Variants in AXIN2 observed in about 807,000 individuals in gnomAD.
AXIN2 encodes the protein axin-2.
Under a neutral mutation model 74.7 loss-of-function variants are expected in AXIN2, and 21 were observed. The ratio of observed to expected loss-of-function variants is 0.28; its 90% CI spans 0.20 to 0.40. AXIN2 has a LOEUF of 0.40. Among genes scored for constraint, AXIN2 ranks in the 10% least tolerant of loss-of-function variants. The pLI is 1.00. For synonymous variants in AXIN2, 532 were observed against 454.9 expected (o/e 1.17, Z -2.16); for missense variants, 1,144 against 1,111.1 (o/e 1.03, Z -0.42).
chr17:65,548,231 C>T (rs1017453146), intron 3 of AXIN2, among the ~76,000 whole-genome samples: 2 of 152,154 alleles, frequency 1.3e-5, no homozygotes, highest in Non-Finnish European at 2.9e-5. Context: ...TTGAGGATAT[C>T]TCTCCCTGTA....
At chr17:65,553,352 C>T (rs1040007074) in intron 2 of AXIN2, among the ~76,000 whole-genome samples, 6 of 152,166 alleles carry the variant, frequency 3.9e-5, no homozygotes, top group African/African-American at 9.7e-5. Flanking sequence ...AAAGCCAAAA[C>T]AGCCTTAAAT....
rs2043775597 is a variant in AXIN2 at position 65,529,163 on chromosome 17, G to T, written c.*813C>A. 1 of 234,174 alleles carries T rather than the reference G, an allele frequency of 4.3e-6. No individual in the cohort carries two copies. The highest frequency in any genetic ancestry group is 5.6e-5 in the Admixed American group (1 of 17,830). The allele number at this position is 234,174 out of a possible 1,614,324, so 14.5% of individuals were successfully genotyped here. ...ATTCTAGCAGGCCTCAGGGCCCTGGGCCTGGGGAGGCTACATGAGGGGGAG... is the reference window on the plus strand; with the variant it reads ...ATTCTAGCAGGCCTCAGGGCCCTGGTCCTGGGGAGGCTACATGAGGGGGAG... On this transcript the variant is annotated 3_prime_UTR_variant, in exon 11 of 11. Transcript: ENST00000307078.
intron 7 of AXIN2, 139 bp from the exon 8 acceptor site, chr17:65,536,692 G>T (rs959512418): frequency 2.2e-6 from 3 of 1,368,216 alleles, no homozygotes; most frequent in Non-Finnish European, 3.1e-6. Flanking sequence ...ATGAACAGGG[G>T]TCAGTGCCAA....
intron 4 of AXIN2, among the ~76,000 whole-genome samples, chr17:65,539,579 G>C (rs577209532): frequency 3.0e-4 from 45 of 152,226 alleles, no homozygotes; most frequent in Non-Finnish European, 6.3e-4. Flanking sequence ...TATCTGTAGA[G>C]GGAGGGGATG....
intron 7 of AXIN2, 107 bp downstream of exon 7, chr17:65,536,762 A>C: frequency 3.3e-6 from 5 of 1,518,038 alleles, no homozygotes; most frequent in Non-Finnish European, 4.6e-6. Context: ...GCAGGAGCAA[A>C]TAGTCACATT....
chr17:65,538,613 G>A (rs1253171686), intron 4 of AXIN2, among the ~76,000 whole-genome samples: 2 of 119,438 alleles, frequency 1.7e-5, no homozygotes, highest in Non-Finnish European at 3.2e-5. Flanking sequence ...AGTACAACCA[G>A]CCCATCAGTA....
At chr17:65,548,370 A>G (rs747964579) in intron 3 of AXIN2, among the ~76,000 whole-genome samples, 16 of 152,250 alleles carry the variant, frequency 1.1e-4, no homozygotes, top group Non-Finnish European at 1.8e-4. Context: ...GACATTGGCC[A>G]GTAAAAACCA....
At chr17:65,553,924 T>C (rs568792740) in intron 2 of AXIN2, among the ~76,000 whole-genome samples, 253 of 151,992 alleles carry the variant, frequency 1.7e-3, no homozygotes, top group Middle Eastern at 3.4e-3. Flanking sequence ...ACTGTTGTGC[T>C]TCCAGTTGCT....
chr17:65,538,071 C>G, intron 5 of AXIN2, 132 bp downstream of exon 5: 2 of 1,512,030 alleles, frequency 1.3e-6, no homozygotes, highest in East Asian at 4.8e-5. Flanking sequence ...CACACACCCA[C>G]ACGCAGCCCA....
chr17:65,540,616 C>T (rs942747573), intron 4 of AXIN2, among the ~76,000 whole-genome samples: 4 of 152,142 alleles, frequency 2.6e-5, no homozygotes, highest in African/African-American at 9.7e-5. Flanking sequence ...GGTGGAAGTG[C>T]ACCTAGTGGG....
intron 10 of AXIN2, among the ~76,000 whole-genome samples, chr17:65,532,047 T>A (rs1354708243): frequency 2.0e-5 from 3 of 151,980 alleles, no homozygotes; most frequent in Non-Finnish European, 4.4e-5. Context: ...GGACACTGAG[T>A]CTAGCTCAGG....
chr17:65,537,476 G>T lies in AXIN2; in HGVS notation c.1560C>A (p.His520Gln), dbSNP rs1598098799. ...TTKHVHHHYI[H>Q]HHAVPKTKEE... ...CCTTGGTCTTGGGGACGGCATGGTGGTGGATGTAGTGGTGGTGGACATGCT... is the reference window on the plus strand; with the variant it reads ...CCTTGGTCTTGGGGACGGCATGGTGTTGGATGTAGTGGTGGTGGACATGCT... Residue 520 changes from histidine (H) to glutamine (Q), a missense_variant, in exon 6 of 11, where the codon CAC (histidine) becomes CAA (glutamine). Coordinates refer to ENST00000307078, the MANE Select transcript of AXIN2 (RefSeq NM_004655.4). The T allele has an allele frequency of 6.2e-7, 1 of 1,613,958 alleles. No homozygotes were observed. The highest frequency in any genetic ancestry group is 8.5e-7 in the Non-Finnish European group (1 of 1,179,996).
intron 10 of AXIN2, among the ~76,000 whole-genome samples, chr17:65,531,444 C>G (rs2043815878): frequency 6.6e-6 from 1 of 151,284 alleles, no homozygotes; most frequent in Non-Finnish European, 1.5e-5. Context: ...TGAGAGGAGA[C>G]AGTGAGAAAA....
chr17:65,554,813 G>A (rs1405977671), intron 2 of AXIN2, among the ~76,000 whole-genome samples: 1 of 152,174 alleles, frequency 6.6e-6, no homozygotes, highest in Non-Finnish European at 1.5e-5. Flanking sequence ...GAGGACACAG[G>A]GAGGGCTCTG....
intron 4 of AXIN2, among the ~76,000 whole-genome samples, chr17:65,540,408 A>G (rs2044024021): frequency 6.6e-6 from 1 of 152,246 alleles, no homozygotes; most frequent in Admixed American, 6.5e-5. Flanking sequence ...AAATACAGTG[A>G]GCTCACCAAG....
chr17:65,560,944 G>C (rs1286448465), intron 1 of AXIN2: 1 of 147,906 alleles, frequency 6.8e-6, no homozygotes, highest in Non-Finnish European at 1.5e-5. Context: ...CGGCCGCGGC[G>C]TCGGGGAACA....
chr17:65,545,955 C>T (rs906112001), intron 3 of AXIN2, among the ~76,000 whole-genome samples: 3 of 152,126 alleles, frequency 2.0e-5, no homozygotes, highest in African/African-American at 7.2e-5. Flanking sequence ...TTGGTTCTGT[C>T]GCAAATGAGA....
rs750714660 is a variant in AXIN2, at chr17:65,541,422, A to T, written c.1059+33T>A. ...TTCTTTAGGACTCAACATGGCAGAA[A>T]ACAGCTGTCTCCTCACTCCAGACTG... On this transcript the variant is annotated intron_variant, in intron 4 of 10. Transcript: ENST00000307078. 5 of 1,573,308 alleles carry T rather than the reference A, an allele frequency of 3.2e-6. No homozygotes were observed. In the African/African-American group the frequency reaches 6.8e-5, roughly 21 times the overall value.
At chr17:65,533,803 T>G in intron 10 of AXIN2, 109 bp downstream of exon 10, 7 of 451,562 alleles carry the variant, frequency 1.6e-5, no homozygotes, top group Non-Finnish European at 3.2e-5. Context: ...CTGAGCCCCC[T>G]CCCACCCTGC....
Sources: allele counts gnomAD v4.1 joint callset (sites outside exome capture counted in the v4.1 genomes callset), GRCh38; gene constraint gnomAD v4.1.1; transcripts MANE v1.5; gene names NCBI Gene and HGNC (gene_info 2026-07-23, HGNC 2026-07-21).